The following TTC7B variants were observed in gnomAD, a reference collection of about 807,000 sequenced individuals.
TTC7B encodes the protein tetratricopeptide repeat domain 7B.
Under a neutral mutation model 106.8 loss-of-function variants are expected in TTC7B, and 28 were observed. That is an observed-to-expected ratio of 0.26 (90% CI 0.19 to 0.36). The LOEUF (loss-of-function observed/expected upper bound fraction) is 0.36. TTC7B is among the 10% of genes least tolerant of loss of function. TTC7B has a pLI of 1.00. For missense variants in TTC7B, 862 were observed against 1,076.4 expected (o/e 0.80, Z 2.79); for synonymous variants, 405 against 430.6 (o/e 0.94, Z 0.74).
At chr14:90,703,226 A>G (rs2139957456) in intron 5 of TTC7B, among the ~76,000 whole-genome samples, 1 of 152,344 alleles carries the variant, frequency 6.6e-6, no homozygotes, top group South Asian at 2.1e-4. Context: ...TTCGTTTTTA[A>G]TAGTCCAGAA....
In TTC7B at chr14:90,759,430, A is replaced by G. The variant is rs1258491860; in HGVS notation, c.446-14508T>C. On this transcript the variant is annotated intron_variant, in intron 3 of 19. Coordinates refer to ENST00000328459, the MANE Select transcript of TTC7B (RefSeq NM_001010854.2). This position sits in a 1 kb window ranked among gnomAD's most constrained non-coding sequence, Gnocchi z 4.1. Reference sequence around the variant, plus strand: ...CTAGGTGATGTCTTACAACCTTACTAGCTTTGTAGCAGTCTAGGCCCCAAA... The same window carrying G: ...CTAGGTGATGTCTTACAACCTTACTGGCTTTGTAGCAGTCTAGGCCCCAAA... 2.0e-5 allele frequency among the ~76,000 whole-genome samples: 3 copies of G among 152,200 alleles called. No homozygotes were observed. Among genetic ancestry groups the G allele is most frequent in the Non-Finnish European group, 4.4e-5 (3 of 68,034 alleles).
chr14:90,576,144 TC>T, intron 19 of TTC7B, among the ~76,000 whole-genome samples: 1 of 152,120 alleles, frequency 6.6e-6, no homozygotes, highest in Non-Finnish European at 1.5e-5. Context: ...TCTCATGTGT[TC>T]CCCTTGGGGA....
intron 17 of TTC7B, among the ~76,000 whole-genome samples, chr14:90,598,094 G>A (rs942742): frequency 0.062 from 9,407 of 152,298 alleles, 357 homozygotes; most frequent in East Asian, 0.22. Context: ...CCACAGGACT[G>A]TGTGCTGCGC....
At chr14:90,564,055 T>C (rs1337622284) in intron 19 of TTC7B, among the ~76,000 whole-genome samples, 1 of 151,736 alleles carries the variant, frequency 6.6e-6, no homozygotes, top group Non-Finnish European at 1.5e-5. Context: ...CCATGAATCA[T>C]GGATGATCTT....
rs964205666 is a variant in TTC7B at position 90,757,684 on chromosome 14, A to G, written c.446-12762T>C. 6.6e-6 allele frequency among the ~76,000 whole-genome samples: 1 copy of G among 152,190 alleles called. No homozygotes were observed. The highest frequency in any genetic ancestry group is 2.4e-5 in the African/African-American group (1 of 41,442). ...CGGGGAAAAGGCAATGTCAGTGGTCACTTGTCTGTCCTACGGCTCTAGGAT... is the reference window on the plus strand; with the variant it reads ...CGGGGAAAAGGCAATGTCAGTGGTCGCTTGTCTGTCCTACGGCTCTAGGAT... On this transcript the variant is annotated intron_variant, in intron 3 of 19. Coordinates refer to ENST00000328459, the MANE Select transcript of TTC7B (RefSeq NM_001010854.2). The surrounding 1 kb of genome is among the most constrained non-coding windows in gnomAD (Gnocchi z 4.1).
chr14:90,814,542 G>A (rs1294486978), intron 1 of TTC7B, among the ~76,000 whole-genome samples: 2 of 152,132 alleles, frequency 1.3e-5, no homozygotes, highest in African/African-American at 4.8e-5. Flanking sequence ...GAATGAATAA[G>A]CAAAGACAGC....
At chr14:90,610,512 G>T (rs1367255081) in intron 17 of TTC7B, among the ~76,000 whole-genome samples, 1 of 152,188 alleles carries the variant, frequency 6.6e-6, no homozygotes, top group Non-Finnish European at 1.5e-5. Context: ...AGCAAAGGGG[G>T]AAATAGATTT....
chr14:90,615,204 C>T (rs900377677), intron 16 of TTC7B, among the ~76,000 whole-genome samples: 17 of 152,230 alleles, frequency 1.1e-4, no homozygotes, highest in Middle Eastern at 3.4e-3. Flanking sequence ...AAGCAAAAAT[C>T]GAGAAGAGGG....
intron 17 of TTC7B, chr14:90,605,708 G>C (rs1217314840): frequency 5.4e-6 from 7 of 1,287,986 alleles, no homozygotes; most frequent in Non-Finnish European, 7.1e-6. Context: ...AACAGGTGGA[G>C]AGGAGATTCG....
rs772192721 is a variant in TTC7B, at chr14:90,608,432, G to A, written c.1966+2310C>T. On this transcript the variant is annotated intron_variant, in intron 17 of 19. Transcript: ENST00000328459. The surrounding 1 kb of genome is among the most constrained non-coding windows in gnomAD (Gnocchi z 5.1). Reference sequence around the variant, plus strand: ...TGGCAGGAGTCTCAGAAGGACTCGCGTGGATGACTCAACAATGAAACCGTC... The same window carrying A: ...TGGCAGGAGTCTCAGAAGGACTCGCATGGATGACTCAACAATGAAACCGTC... Among the ~76,000 whole-genome samples the A allele has an allele frequency of 3.0e-4, 45 of 152,236 alleles. No homozygotes were observed. The highest frequency in any genetic ancestry group is 5.2e-4 in the Admixed American group (8 of 15,280).
intron 19 of TTC7B, among the ~76,000 whole-genome samples, chr14:90,561,537 G>C (rs770050543): frequency 3.3e-5 from 5 of 152,186 alleles, no homozygotes; most frequent in Non-Finnish European, 5.9e-5. Context: ...AGTCTCTCTG[G>C]CTCACACATG....
intron 9 of TTC7B, among the ~76,000 whole-genome samples, chr14:90,671,668 C>A (rs938294045): frequency 6.6e-6 from 1 of 152,194 alleles, no homozygotes; most frequent in Non-Finnish European, 1.5e-5. Flanking sequence ...TTTAAAAACA[C>A]AAAAACTCAC....
intron 5 of TTC7B, among the ~76,000 whole-genome samples, chr14:90,716,976 G>C (rs1888680896): frequency 6.6e-6 from 1 of 152,120 alleles, no homozygotes; most frequent in South Asian, 2.1e-4. Flanking sequence ...TCACCAGAAG[G>C]CATTCACAAA....
intron 19 of TTC7B, among the ~76,000 whole-genome samples, chr14:90,550,985 G>A (rs12100754): frequency 5.3e-5 from 8 of 152,258 alleles, no homozygotes; most frequent in African/African-American, 1.9e-4. Context: ...TGGGGGATGC[G>A]AGCACCCCCT....
At chr14:90,708,097 G>A (rs928312203) in intron 5 of TTC7B, among the ~76,000 whole-genome samples, 2 of 139,536 alleles carry the variant, frequency 1.4e-5, no homozygotes, top group Middle Eastern at 8.8e-3. Flanking sequence ...AGTGAGCCAA[G>A]GTCACACCAC....
intron 19 of TTC7B, among the ~76,000 whole-genome samples, chr14:90,546,790 T>C (rs1033385149): frequency 3.3e-5 from 5 of 150,892 alleles, no homozygotes; most frequent in African/African-American, 4.9e-5. Context: ...CTGGATAGAG[T>C]GGGTAAGCGC....
chr14:90,774,719 T>A (rs1337237089), intron 3 of TTC7B, among the ~76,000 whole-genome samples: 2 of 152,230 alleles, frequency 1.3e-5, no homozygotes, highest in African/African-American at 4.8e-5. Context: ...TCCAGGCCTC[T>A]GATCTTCATG....
chr14:90,699,438 T>G (rs1204578550), intron 5 of TTC7B: 2 of 340,464 alleles, frequency 5.9e-6, no homozygotes, highest in South Asian at 2.2e-5. Context: ...TTCTTCCCTT[T>G]AACTTGTCCT....
chr14:90,737,012 C>G (rs1252490879), intron 4 of TTC7B, among the ~76,000 whole-genome samples: 1 of 146,444 alleles, frequency 6.8e-6, no homozygotes. Context: ...GCTTTAAAAA[C>G]AGTAAAATAA....
Sources: allele counts gnomAD v4.1 joint callset (sites outside exome capture counted in the v4.1 genomes callset), GRCh38; gene constraint gnomAD v4.1.1; non-coding constraint Gnocchi (gnomAD v3.1); transcripts MANE v1.5; gene names NCBI Gene and HGNC (gene_info 2026-07-23, HGNC 2026-07-21).